ASTN2: variants seen among roughly 807,000 people sequenced by gnomAD.
The protein encoded by ASTN2 is astrotactin-2.
A neutral mutation model predicts 139.8 loss-of-function variants in ASTN2; 54 were observed. The observed-to-expected ratio is 0.39, with a 90% confidence interval of 0.31 to 0.48. The LOEUF (loss-of-function observed/expected upper bound fraction) is 0.48, where lower values mean the gene tolerates loss of function less well. Among genes scored for constraint, ASTN2 ranks in the 20% least tolerant of loss-of-function variants. The pLI is 0.95. For missense variants in ASTN2, 1,565 were observed against 1,725.1 expected (o/e 0.91, Z 1.64); for synonymous variants, 756 against 719.5 (o/e 1.05, Z -0.81).
intron 4 of ASTN2, among the ~76,000 whole-genome samples, chr9:117,136,842 G>C (rs749260321): frequency 3.9e-5 from 6 of 152,100 alleles, no homozygotes; most frequent in Non-Finnish European, 5.9e-5. Context: ...AGCATCTCTT[G>C]GGTATTAATT....
chr9:116,699,667 TC>T lies in ASTN2; in HGVS notation c.2806+26103del. On this transcript the variant is annotated intron_variant, in intron 16 of 22. Coordinates refer to ENST00000313400, the MANE Select transcript of ASTN2 (RefSeq NM_001365068.1). The surrounding 1 kb of genome is among the most constrained non-coding windows in gnomAD (Gnocchi z 4.2). ...GACTGTTGGGATCATTGCATCAAGA[TC>T]TACAGCTACCATCTGAGAAGATATT... 6.2e-7 allele frequency: 1 copy of T among 1,614,194 alleles called. No individual in the cohort carries two copies. The highest frequency in any genetic ancestry group is 1.1e-5 in the South Asian group (1 of 91,082).
intron 10 of ASTN2, among the ~76,000 whole-genome samples, chr9:116,905,631 G>C (rs1356202700): frequency 1.3e-5 from 2 of 152,110 alleles, no homozygotes; most frequent in Non-Finnish European, 2.9e-5. Context: ...AGTACAATAA[G>C]ACTAAATAAT....
intron 4 of ASTN2, among the ~76,000 whole-genome samples, chr9:117,121,519 C>G (rs1190634105): frequency 6.6e-6 from 1 of 152,190 alleles, no homozygotes; most frequent in Non-Finnish European, 1.5e-5. Flanking sequence ...GAATATTTCC[C>G]TGACCCATTT....
chr9:116,839,878 A>ATTC (rs1297483642), intron 11 of ASTN2, among the ~76,000 whole-genome samples: 2 of 104,774 alleles, frequency 1.9e-5, no homozygotes, highest in Non-Finnish European at 3.6e-5. Context: ...TATTATTATT[A>ATTC]TTATTTTTTT....
intron 19 of ASTN2, among the ~76,000 whole-genome samples, chr9:116,607,670 AACACACACACACACACACACAC>A (rs57512218): frequency 0.086 from 11,719 of 136,348 alleles, 495 homozygotes; most frequent in East Asian, 0.14. Flanking sequence ...TTAAGAAATT[AACACACACACACACACACACAC>A]ACACACACAC....
At chr9:117,207,909 C>A (rs1236533513) in intron 3 of ASTN2, among the ~76,000 whole-genome samples, 1 of 152,174 alleles carries the variant, frequency 6.6e-6, no homozygotes, top group East Asian at 1.9e-4. Context: ...AAAATTGTAG[C>A]CAATTTAACT....
In ASTN2 at chr9:117,008,521, C is replaced by T. The variant is rs111456576; in HGVS notation, c.1424-262G>A. Among the ~76,000 whole-genome samples the T allele has an allele frequency of 4.1e-3, 627 of 152,176 alleles. 4 individuals carry two copies. Among genetic ancestry groups the T allele is most frequent in the African/African-American group, 0.014 (587 of 41,502 alleles). On this transcript the variant is annotated intron_variant, in intron 6 of 22. Transcript: ENST00000313400. The stretch of plus-strand genomic sequence containing the variant: ...GAAGTAGGGTCAAATTCAGAATCTG[C>T]CCTTACTAGGCATTGACTTTGGGCA...
intron 1 of ASTN2, among the ~76,000 whole-genome samples, chr9:117,400,020 T>G (rs368728895): frequency 1.3e-5 from 2 of 152,232 alleles, no homozygotes; most frequent in Non-Finnish European, 2.9e-5. Context: ...TACTATATGA[T>G]GGACACATCT....
At chr9:117,171,306 G>C in intron 3 of ASTN2, among the ~76,000 whole-genome samples, 1 of 152,112 alleles carries the variant, frequency 6.6e-6, no homozygotes, top group East Asian at 1.9e-4. Context: ...AAGAGTAAAG[G>C]CTCCAGAGAA....
chr9:117,357,304 G>A (rs533351999), intron 1 of ASTN2, among the ~76,000 whole-genome samples: 123 of 151,792 alleles, frequency 8.1e-4, no homozygotes, highest in African/African-American at 1.5e-3. Context: ...TAATAATTTC[G>A]TAATGTTTTT....
intron 7 of ASTN2, among the ~76,000 whole-genome samples, chr9:117,006,300 A>C (rs557029705): frequency 6.6e-6 from 1 of 151,892 alleles, no homozygotes; most frequent in Non-Finnish European, 1.5e-5. Context: ...CCAAAACAAC[A>C]CTCTTTATCT....
chr9:117,323,050 T>C (rs893086246), intron 1 of ASTN2, among the ~76,000 whole-genome samples: 1 of 152,176 alleles, frequency 6.6e-6, no homozygotes, highest in Admixed American at 6.5e-5. Context: ...TCTGCAGATT[T>C]TTGTTTTAAT....
intron 19 of ASTN2, among the ~76,000 whole-genome samples, chr9:116,609,476 CAT>C (rs1251725145): frequency 6.8e-6 from 1 of 147,918 alleles, no homozygotes; most frequent in Non-Finnish European, 1.5e-5. Context: ...CAAAGTGTAA[CAT>C]ATTTAATTAC....
chr9:116,621,573 T>C (rs571561101), intron 17 of ASTN2, among the ~76,000 whole-genome samples: 6 of 151,990 alleles, frequency 3.9e-5, no homozygotes, highest in Non-Finnish European at 8.8e-5. Flanking sequence ...CTTTCTTAAG[T>C]CTAGAATCAT....
chr9:117,264,557 A>C (rs1833898914), intron 2 of ASTN2, among the ~76,000 whole-genome samples: 1 of 152,220 alleles, frequency 6.6e-6, no homozygotes, highest in Non-Finnish European at 1.5e-5. Flanking sequence ...TCAATCAGAA[A>C]AATAAATAGG....
At chr9:117,006,091 C>A (rs943261311) in intron 7 of ASTN2, among the ~76,000 whole-genome samples, 1 of 152,092 alleles carries the variant, frequency 6.6e-6, no homozygotes, top group Non-Finnish European at 1.5e-5. Context: ...ACAACCAGAT[C>A]TTAGGGTGCC....
intron 1 of ASTN2, among the ~76,000 whole-genome samples, chr9:117,406,774 T>G (rs1255377306): frequency 6.6e-6 from 1 of 151,920 alleles, no homozygotes; most frequent in Non-Finnish European, 1.5e-5. Flanking sequence ...TTCCCTTAGT[T>G]TTTTCCCTTT....
At chr9:116,964,209 G>T (rs1835941686) in intron 10 of ASTN2, among the ~76,000 whole-genome samples, 1 of 146,484 alleles carries the variant, frequency 6.8e-6, no homozygotes, top group Non-Finnish European at 1.5e-5. Context: ...TGACTAGACT[G>T]CCCTGGGGTG....
At chr9:116,880,857 G>A (rs1032774357) in intron 10 of ASTN2, among the ~76,000 whole-genome samples, 1 of 152,098 alleles carries the variant, frequency 6.6e-6, no homozygotes, top group Non-Finnish European at 1.5e-5. Context: ...CATGACCCCC[G>A]CCTTCAAGAA....
Sources: gnomAD v4.1 joint callset for allele counts (sites outside exome capture counted in the v4.1 genomes callset) on GRCh38, gnomAD v4.1.1 for gene constraint, Gnocchi (gnomAD v3.1) non-coding constraint, MANE v1.5 for transcripts, NCBI Gene and HGNC (gene_info 2026-07-23, HGNC 2026-07-21) for gene names.